SCAMP4: variants seen among roughly 807,000 people sequenced by gnomAD.
SCAMP4 encodes the protein secretory carrier membrane protein 4, also known as secretory carrier-associated membrane protein 4.
In SCAMP4, 19 loss-of-function variants were observed where a neutral mutation model predicts 32.1. The ratio of observed to expected loss-of-function variants is 0.59; its 90% CI spans 0.41 to 0.87. The LOEUF is 0.87. Ranked by LOEUF, SCAMP4 falls within the 40% of genes least tolerant of loss-of-function variation. The probability of loss-of-function intolerance (pLI) is 0.00; values close to 1 mark genes in which losing one functional copy is unlikely to be tolerated. For missense variants in SCAMP4, 302 were observed against 309.0 expected, an observed-to-expected ratio of 0.98 and a Z score of 0.17; for synonymous variants, 152 against 132.7, an observed-to-expected ratio of 1.15 and a Z score of -1.00.
In SCAMP4 at chr19:1,918,906, A is replaced by G. The variant is rs1202785996; in HGVS notation, c.311A>G (p.Asn104Ser). 2 of 1,610,388 alleles carry G rather than the reference A, an allele frequency of 1.2e-6. No homozygotes were observed. The highest frequency in any genetic ancestry group is 3.4e-5 in the Admixed American group (2 of 59,454). Residue 104 changes from asparagine to serine, a missense_variant, in exon 5 of 7, where the codon AAT becomes AGT. Asn to Ser is a conservative substitution (Grantham distance 46). Transcript: ENST00000316097. Reference protein sequence around the residue: ...YKAFRADSSFNFMAFFFIFGA... With the variant: ...YKAFRADSSFSFMAFFFIFGA... ...CTCCCCAGAGCCGACAGCTCCTTTAATTTCATGGCGTTTTTCTTCATCTTC... is the reference window on the plus strand; with the variant it reads ...CTCCCCAGAGCCGACAGCTCCTTTAGTTTCATGGCGTTTTTCTTCATCTTC...
intron 5 of SCAMP4, chr19:1,920,693 C>G (rs760911394): frequency 1.0e-6 from 1 of 985,506 alleles, no homozygotes; most frequent in Non-Finnish European, 1.2e-6. Flanking sequence ...CCTCCGAGTC[C>G]TCCTGAGCTC....
chr19:1,908,505 C>G lies in SCAMP4; in HGVS notation c.-42+3066C>G. 2.1e-6 allele frequency: 1 copy of G among 471,096 alleles called. No homozygotes were observed. Among genetic ancestry groups the G allele is most frequent in the Middle Eastern group, 3.3e-4 (1 of 3,070 alleles). 29.2% of individuals were successfully genotyped at this position (471,096 alleles called of 1,614,324 possible). ...CTGTCTGCGGGAGGAGCCGTCCATA[C>G]CAGCGGGGATGTGTAGTCCAGGCTG... On this transcript the variant is annotated intron_variant, in intron 1 of 6. Coordinates refer to ENST00000316097, the MANE Select transcript of SCAMP4 (RefSeq NM_079834.4). The surrounding 1 kb of genome is among the most constrained non-coding windows in gnomAD (Gnocchi z 4.2).
intron 3 of SCAMP4, 40 bp from the exon 4 acceptor site, chr19:1,918,087 C>G: frequency 8.8e-6 from 14 of 1,582,214 alleles, no homozygotes; most frequent in Non-Finnish European, 1.2e-5. Context: ...CGGCCACACC[C>G]TCCCGTGCCT....
At chr19:1,909,687 G>A (rs1181392627) in intron 1 of SCAMP4, among the ~76,000 whole-genome samples, 3 of 152,298 alleles carry the variant, frequency 2.0e-5, no homozygotes, top group East Asian at 1.9e-4. Context: ...CACACTGCCC[G>A]GCAGTCAGGG....
chr19:1,909,161 G>A (rs2013300599), intron 1 of SCAMP4, among the ~76,000 whole-genome samples: 1 of 152,060 alleles, frequency 6.6e-6, no homozygotes, highest in Admixed American at 6.6e-5. Flanking sequence ...CCAACCTCAG[G>A]CCTGCGGTGC....
chr19:1,912,836 CG>C, intron 1 of SCAMP4: 1 of 1,593,438 alleles, frequency 6.3e-7, no homozygotes, highest in African/African-American at 1.3e-5. Flanking sequence ...GACCCTTCCC[CG>C]CCTGCTCCTT....
At chr19:1,923,858 C>T in intron 6 of SCAMP4, among the ~76,000 whole-genome samples, 1 of 149,176 alleles carries the variant, frequency 6.7e-6, no homozygotes, top group South Asian at 2.2e-4. Context: ...ATCTCCTGAC[C>T]TCGTGATCCT....
chr19:1,921,178 C>T lies in SCAMP4; in HGVS notation c.396-1892C>T, dbSNP rs116151114. On this transcript the variant is annotated intron_variant, in intron 5 of 6. Transcript: ENST00000316097. ...GCGAGAGGGGACAGCCCCGCTCTCC[C>T]TGTCCTGGGCGGCTTCACCAGCGCC... 1,757 of 985,392 alleles carry T rather than the reference C, an allele frequency of 1.8e-3. 25 individuals are homozygous for T. In the African/African-American group the frequency reaches 0.028, roughly 16 times the overall value. The allele number at this position is 985,392 out of a possible 1,614,324, so 61.0% of individuals were successfully genotyped here.
rs947399062 is a variant in SCAMP4 at position 1,921,713 on chromosome 19, G to T, written c.396-1357G>T. On this transcript the variant is annotated intron_variant, in intron 5 of 6. Transcript: ENST00000316097. ...ATAAAAGAGGCCAGGCATGGTGGCTGACGCCTGTAATCCCAGCGCTTTGGG... is the reference window on the plus strand; with the variant it reads ...ATAAAAGAGGCCAGGCATGGTGGCTTACGCCTGTAATCCCAGCGCTTTGGG... 1.9e-5 allele frequency: 19 copies of T among 985,088 alleles called. No individual in the cohort carries two copies. The African/African-American group carries it at 3.3e-4, about 17-fold the overall frequency. 61.0% of individuals were successfully genotyped at this position (985,088 alleles called of 1,614,324 possible).
intron 5 of SCAMP4, chr19:1,919,254 A>G (rs1000350701): frequency 1.5e-6 from 2 of 1,329,156 alleles, no homozygotes; most frequent in Non-Finnish European, 1.9e-6. Flanking sequence ...CGTCCTCGCC[A>G]GCGCCCAGCC....
intron 5 of SCAMP4, chr19:1,919,432 A>G (rs1000465288): frequency 9.8e-5 from 97 of 985,066 alleles, no homozygotes; most frequent in Non-Finnish European, 1.1e-4. Flanking sequence ...GTCACTCTCT[A>G]AGGCTGCCAG....
intron 4 of SCAMP4, chr19:1,918,503 T>A: frequency 1.7e-6 from 1 of 595,262 alleles, no homozygotes; most frequent in Admixed American, 3.3e-5. Context: ...GGCTCAGGCC[T>A]ATAATCCCAG....
intron 6 of SCAMP4, among the ~76,000 whole-genome samples, chr19:1,923,747 TA>T (rs752047973): frequency 0.027 from 3,260 of 120,662 alleles, 220 homozygotes; most frequent in Middle Eastern, 0.12. Context: ...GCCTCCCGAG[TA>T]GCTGGGACTA....
rs35226425 is a variant in SCAMP4 at position 1,923,615 on chromosome 19, C to CTTTTTTT, written c.513+444_513+450dup. Among the ~76,000 whole-genome samples the CTTTTTTT allele has an allele frequency of 3.4e-4, 29 of 86,470 alleles. 1 individual carries two copies. Among genetic ancestry groups the CTTTTTTT allele is most frequent in the African/African-American group, 5.7e-4 (12 of 21,122 alleles). 56.7% of individuals were successfully genotyped at this position (86,470 alleles called of 152,430 possible). A position where few individuals can be genotyped will look rare whatever the true frequency, so the allele number is the denominator to read the frequency against. On this transcript the variant is annotated intron_variant, in intron 6 of 6. Transcript: ENST00000316097. ...AGAAACTTTCAGTTACAGCAAAATGCTTTTTTTTTTTTTTTTTTTTTTAGA... is the reference window on the plus strand; with the variant it reads ...AGAAACTTTCAGTTACAGCAAAATGCTTTTTTTTTTTTTTTTTTTTTTTTTTTTTAGA...
At chr19:1,923,041 G>A in intron 5 of SCAMP4, 29 bp from the exon 6 acceptor site, 4 of 1,514,338 alleles carry the variant, frequency 2.6e-6, no homozygotes, top group Non-Finnish European at 3.6e-6. Flanking sequence ...AGGTGTGCAG[G>A]CACCCACGCA....
In SCAMP4 at chr19:1,924,227, C is replaced by T. The variant is rs1019235643; in HGVS notation, c.633C>T (p.Asn211=). 3.8e-5 allele frequency: 61 copies of T among 1,606,914 alleles called. No individual in the cohort carries two copies. Among genetic ancestry groups the T allele is most frequent in the South Asian group, 2.7e-4 (24 of 89,924 alleles). ...CCCAGTACAACAACTTCTCAGGCAA[C>T]AGCCTGCCCGAGTACCCCACTGTGC... The part of the protein sequence containing the change: ...REAQYNNFSG[N]SLPEYPTVPS... The change falls in exon 7 of 7, where the codon AAC becomes AAT. Residue 211 remains asparagine (N), a synonymous_variant. Transcript: ENST00000316097.
chr19:1,908,934 G>A lies in SCAMP4; in HGVS notation c.-42+3495G>A, dbSNP rs1405028714. Among the ~76,000 whole-genome samples the A allele has an allele frequency of 1.3e-5, 2 of 152,016 alleles. No individual in the cohort carries two copies. Among genetic ancestry groups the A allele is most frequent in the South Asian group, 2.1e-4 (1 of 4,828 alleles). The stretch of plus-strand genomic sequence containing the variant: ...AGCCTGGCCAACATGGTGGAACCCC[G>A]TCTCTACTGAAAATACAAAAATTAG... On this transcript the variant is annotated intron_variant, in intron 1 of 6. Coordinates refer to ENST00000316097, the MANE Select transcript of SCAMP4 (RefSeq NM_079834.4). The surrounding 1 kb of genome is among the most constrained non-coding windows in gnomAD (Gnocchi z 4.2).
rs146194023 is a variant in SCAMP4, at chr19:1,911,297, G to A, written c.-41-3682G>A. On this transcript the variant is annotated intron_variant, in intron 1 of 6. Coordinates refer to ENST00000316097, the MANE Select transcript of SCAMP4 (RefSeq NM_079834.4). ...AGTGCTCCTCCTGTTTCAGCTTCTC[G>A]AGTAGCTGAAACCACCGGTGTGTGC... Among the ~76,000 whole-genome samples the A allele has an allele frequency of 1.1e-4, 17 of 151,896 alleles. No homozygotes were observed. In the South Asian group the frequency reaches 2.9e-3, roughly 26 times the overall value.
Position 1,915,037 on chromosome 19 carries a change from C to T in SCAMP4, c.7+11C>T. The stretch of plus-strand genomic sequence containing the variant: ...AAACAGAGATGTCAGGTGAGTCCTG[C>T]CTGCCTGGGAGCCTCCAGCAGCGTG... On this transcript the variant is annotated intron_variant, in intron 2 of 6. Transcript: ENST00000316097. 6.2e-7 allele frequency: 1 copy of T among 1,613,792 alleles called. No homozygotes were observed. Among genetic ancestry groups the T allele is most frequent in the Non-Finnish European group, 8.5e-7 (1 of 1,179,796 alleles).
Sources: allele counts gnomAD v4.1 joint callset (sites outside exome capture counted in the v4.1 genomes callset), GRCh38; gene constraint gnomAD v4.1.1; non-coding constraint Gnocchi (gnomAD v3.1); transcripts MANE v1.5; gene names NCBI Gene and HGNC (gene_info 2026-07-23, HGNC 2026-07-21).